CCDC192: variants seen among roughly 807,000 people sequenced by gnomAD.
The protein encoded by CCDC192 is coiled-coil domain-containing protein 192.
rs146184492 is a variant in CCDC192 at position 127,938,024 on chromosome 5, C to T, written c.536-3158C>T. 4.5e-4 allele frequency among the ~76,000 whole-genome samples: 69 copies of T among 152,090 alleles called. No homozygotes were observed. The East Asian group carries it at 0.013, about 28-fold the overall frequency. ...CCTCCACCCCTGCCCCCTGCTGAGGCCCTGCATCCCCCACTGTTCACTGCT... is the reference window on the plus strand; with the variant it reads ...CCTCCACCCCTGCCCCCTGCTGAGGTCCTGCATCCCCCACTGTTCACTGCT... On this transcript the variant is annotated intron_variant, in intron 6 of 6. Coordinates refer to ENST00000514853, the MANE Select transcript of CCDC192 (RefSeq NM_001317938.2).
At chr5:127,764,709 A>G (rs759432707) in intron 3 of CCDC192, among the ~76,000 whole-genome samples, 2 of 152,090 alleles carry the variant, frequency 1.3e-5, no homozygotes, top group Non-Finnish European at 2.9e-5. Flanking sequence ...CTTGTAAAAT[A>G]CATTAACACT....
intron 6 of CCDC192, among the ~76,000 whole-genome samples, chr5:127,877,354 GA>G (rs67098915): frequency 0.66 from 99,611 of 151,226 alleles, 32,761 homozygotes; most frequent in Non-Finnish European, 0.68. Flanking sequence ...TATTTTTGTG[GA>G]TTTTTTTTTT....
chr5:127,800,376 G>GAAAAAAAAAAAAAAAAAAAA lies in CCDC192; in HGVS notation c.411+2220_411+2239dup, dbSNP rs1168212422. Among the ~76,000 whole-genome samples, 14 of 19,514 alleles carry GAAAAAAAAAAAAAAAAAAAA rather than the reference G, an allele frequency of 7.2e-4. 2 individuals are homozygous for GAAAAAAAAAAAAAAAAAAAA. Among genetic ancestry groups the GAAAAAAAAAAAAAAAAAAAA allele is most frequent in the East Asian group, 2.9e-3 (1 of 348 alleles). 12.8% of individuals were successfully genotyped at this position (19,514 alleles called of 152,430 possible). A position where few individuals can be genotyped will look rare whatever the true frequency, so the allele number is the denominator to read the frequency against. On this transcript the variant is annotated intron_variant, in intron 5 of 6. Transcript: ENST00000514853. ...TCCATAGGATGCTAAGAGGTATTCT[G>GAAAAAAAAAAAAAAAAAAAA]AAAAAAAAAAAAAAAAAAAAAAAAA... is the stretch of plus-strand genomic sequence containing the variant.
chr5:127,755,933 C>T (rs1298053058), intron 3 of CCDC192, among the ~76,000 whole-genome samples: 1 of 151,872 alleles, frequency 6.6e-6, no homozygotes, highest in Non-Finnish European at 1.5e-5. Context: ...GAGATCGAGA[C>T]CATCCTGGCT....
At chr5:127,936,122 GA>G (rs1350221643) in intron 6 of CCDC192, among the ~76,000 whole-genome samples, 1 of 151,676 alleles carries the variant, frequency 6.6e-6, no homozygotes, top group African/African-American at 2.4e-5. Context: ...GAAAAGAAAA[GA>G]AAAAAAATTA....
chr5:127,919,754 G>A (rs748030462), intron 6 of CCDC192, among the ~76,000 whole-genome samples: 7 of 152,188 alleles, frequency 4.6e-5, no homozygotes, highest in Non-Finnish European at 8.8e-5. Flanking sequence ...GCTCCTTCCT[G>A]TAGCTTTTCC....
chr5:127,786,491 T>A lies in CCDC192; in HGVS notation c.223-10612T>A. The A allele has an allele frequency of 4.8e-6, 3 of 629,960 alleles. No homozygotes were observed. In the Admixed American group the frequency reaches 7.3e-5, roughly 15 times the overall value. The allele number at this position is 629,960 out of a possible 1,614,324, so 39.0% of individuals were successfully genotyped here. On this transcript the variant is annotated intron_variant, in intron 3 of 6. Transcript: ENST00000514853. ...GATGGTTTCACCATTTCCTTCCTTT[T>A]TGATCAGCTTTGAAACAGAATTTCT...
At chr5:127,785,230 G>T (rs1756472882) in intron 3 of CCDC192, 1 of 517,484 alleles carries the variant, frequency 1.9e-6, no homozygotes, top group Non-Finnish European at 3.9e-6. Flanking sequence ...GTGACAGCTG[G>T]CATAGAAAGC....
At chr5:127,856,878 G>A (rs147838837) in intron 5 of CCDC192, among the ~76,000 whole-genome samples, 13 of 152,194 alleles carry the variant, frequency 8.5e-5, no homozygotes, top group African/African-American at 2.9e-4. Context: ...TAATATCAAA[G>A]ATCACTGATC....
intron 2 of CCDC192, among the ~76,000 whole-genome samples, chr5:127,732,820 A>G (rs1752716623): frequency 6.6e-6 from 1 of 152,172 alleles, no homozygotes; most frequent in African/African-American, 2.4e-5. Context: ...GGAGGGGAAT[A>G]ACACACACTG....
At chr5:127,776,316 C>T (rs1755854517) in intron 3 of CCDC192, among the ~76,000 whole-genome samples, 1 of 152,170 alleles carries the variant, frequency 6.6e-6, no homozygotes, top group Non-Finnish European at 1.5e-5. Context: ...TGGCATTTTG[C>T]CCCTGCCCTA....
At chr5:127,735,109 G>A (rs1384293374) in intron 2 of CCDC192, among the ~76,000 whole-genome samples, 3 of 128,670 alleles carry the variant, frequency 2.3e-5, no homozygotes, top group Non-Finnish European at 4.8e-5. Context: ...TTTGTATAAG[G>A]TGTAAGGAAG....
chr5:127,834,998 T>C (rs1291490966), intron 5 of CCDC192, among the ~76,000 whole-genome samples: 1 of 152,208 alleles, frequency 6.6e-6, no homozygotes, highest in Non-Finnish European at 1.5e-5. Context: ...AAACATTTTC[T>C]TTCTCTTCAG....
chr5:127,771,540 T>C (rs56116077), intron 3 of CCDC192, among the ~76,000 whole-genome samples: 137 of 152,282 alleles, frequency 9.0e-4, no homozygotes, highest in African/African-American at 3.1e-3. Flanking sequence ...AATGGAATCT[T>C]TCAGAAAGAG....
At chr5:127,798,277 A>G (rs1319665382) in intron 5 of CCDC192, 115 bp downstream of exon 5, 3 of 391,762 alleles carry the variant, frequency 7.7e-6, no homozygotes, top group Non-Finnish European at 1.4e-5. Context: ...CCAAATCACA[A>G]GGCTAAAAAT....
intron 6 of CCDC192, among the ~76,000 whole-genome samples, chr5:127,897,594 G>T (rs554877568): frequency 6.6e-6 from 1 of 152,262 alleles, no homozygotes; most frequent in South Asian, 2.1e-4. Context: ...CAATGGAAAA[G>T]AATCTTGTGT....
chr5:127,891,560 T>A (rs149248320), intron 6 of CCDC192, among the ~76,000 whole-genome samples: 2,000 of 152,364 alleles, frequency 0.013, 25 homozygotes, highest in Non-Finnish European at 0.021. Flanking sequence ...TTCTCATCTT[T>A]CCAGTGATGT....
intron 5 of CCDC192, among the ~76,000 whole-genome samples, chr5:127,874,986 A>G (rs1411202640): frequency 1.3e-5 from 2 of 151,038 alleles, no homozygotes; most frequent in Non-Finnish European, 2.9e-5. Flanking sequence ...CTTAAAAACC[A>G]TTCTTATGCT....
chr5:127,804,574 C>G (rs955620468), intron 5 of CCDC192, among the ~76,000 whole-genome samples: 2 of 152,162 alleles, frequency 1.3e-5, no homozygotes, highest in African/African-American at 2.4e-5. Context: ...GAGGTACCCC[C>G]AAACCCTCCA....
Sources: allele counts gnomAD v4.1 joint callset (sites outside exome capture counted in the v4.1 genomes callset), GRCh38; gene constraint gnomAD v4.1.1; transcripts MANE v1.5; gene names NCBI Gene and HGNC (gene_info 2026-07-23, HGNC 2026-07-21).